Variants in PDE5A observed in about 807,000 individuals in gnomAD.
The protein encoded by PDE5A is cGMP-specific 3',5'-cyclic phosphodiesterase.
PDE5A carries 67 observed loss-of-function variants against 110.2 expected under a neutral mutation model. The ratio of observed to expected loss-of-function variants is 0.61; its 90% CI spans 0.50 to 0.75. The LOEUF (loss-of-function observed/expected upper bound fraction) is 0.75. Among genes scored for constraint, PDE5A ranks in the 30% least tolerant of loss-of-function variants. PDE5A has a pLI of 0.00. For missense variants in PDE5A, 862 were observed against 1,045.1 expected, an observed-to-expected ratio of 0.82 and a Z score of 2.42; for synonymous variants, 328 against 351.2, an observed-to-expected ratio of 0.93 and a Z score of 0.74.
chr4:119,608,705 A>C (rs1233143567), intron 1 of PDE5A, among the ~76,000 whole-genome samples: 1 of 152,212 alleles, frequency 6.6e-6, no homozygotes, highest in Non-Finnish European at 1.5e-5. Context: ...GATATTTCAA[A>C]TAATTTGCCT....
At chr4:119,577,743 A>G (rs1728412757) in intron 3 of PDE5A, among the ~76,000 whole-genome samples, 1 of 152,242 alleles carries the variant, frequency 6.6e-6, no homozygotes, top group Non-Finnish European at 1.5e-5. Context: ...CTGAATGGGC[A>G]AAAACTGAAA....
chr4:119,553,681 A>G lies in PDE5A; in HGVS notation c.1265T>C (p.Leu422Pro). 1.3e-6 allele frequency: 2 copies of G among 1,597,948 alleles called. No homozygotes were observed. Among genetic ancestry groups the G allele is most frequent in the Non-Finnish European group, 1.7e-6 (2 of 1,165,600 alleles). The change falls in exon 8 of 21, where the codon CTT (leucine) becomes CCT (proline). Residue 422 changes from leucine to proline, a missense_variant. By Grantham distance (98) the Leu-to-Pro change is moderately conservative (BLOSUM62 -3). Transcript: ENST00000354960. ...AQYVKNTMEP[L>P]NIPDVSKDKR... ...ATCCTTACTGACATCTGGGATATTA[A>G]GTGGTTCCATAGTATTTTTGACATA...
chr4:119,540,141 TGA>T (rs1166958742), intron 10 of PDE5A, among the ~76,000 whole-genome samples: 5 of 152,092 alleles, frequency 3.3e-5, no homozygotes, highest in African/African-American at 7.2e-5. Context: ...AGTTCATTTT[TGA>T]GAGAGACAAC....
At chr4:119,512,947 T>C (rs907907931) in intron 14 of PDE5A, 1 of 152,144 alleles carries the variant, frequency 6.6e-6, no homozygotes, top group Admixed American at 6.6e-5. Context: ...AGATGGCCTA[T>C]AATGAGAGCC....
chr4:119,600,682 T>C (rs2110541933), intron 2 of PDE5A, among the ~76,000 whole-genome samples: 1 of 152,156 alleles, frequency 6.6e-6, no homozygotes, highest in South Asian at 2.1e-4. Context: ...ATTGACTAAA[T>C]AAAATATTAC....
At chr4:119,611,530 G>A (rs1205044295) in intron 1 of PDE5A, among the ~76,000 whole-genome samples, 3 of 152,174 alleles carry the variant, frequency 2.0e-5, no homozygotes, top group Non-Finnish European at 4.4e-5. Flanking sequence ...ACAACTGACC[G>A]TGACTAATTT....
Position 119,495,971 on chromosome 4 carries a change from G to A in PDE5A, c.*2630C>T, listed in dbSNP as rs987860581. On this transcript the variant is annotated 3_prime_UTR_variant, in exon 21 of 21. Transcript: ENST00000354960. Reference sequence around the variant, plus strand: ...CTGTGACATTCTGCTTGAAGACAAAGGCTTTGCCCAAACATAACTCCTTTT... The same window carrying A: ...CTGTGACATTCTGCTTGAAGACAAAAGCTTTGCCCAAACATAACTCCTTTT... 1.3e-5 allele frequency: 2 copies of A among 152,018 alleles called. No individual in the cohort carries two copies. Among genetic ancestry groups the A allele is most frequent in the Non-Finnish European group, 2.9e-5 (2 of 67,992 alleles). The allele number at this position is 152,018 out of a possible 1,614,324, so 9.4% of individuals were successfully genotyped here.
intron 3 of PDE5A, among the ~76,000 whole-genome samples, chr4:119,571,844 T>C (rs1190992414): frequency 6.6e-6 from 1 of 152,254 alleles, no homozygotes; most frequent in Admixed American, 6.5e-5. Flanking sequence ...ATCATCTTCC[T>C]GCCTTCAGTC....
At chr4:119,566,274 C>T (rs138294259) in intron 4 of PDE5A, among the ~76,000 whole-genome samples, 1 of 152,184 alleles carries the variant, frequency 6.6e-6, no homozygotes, top group East Asian at 1.9e-4. Context: ...TAGCCTATAG[C>T]ATAGAGATAA....
At position 119,595,424 on chromosome 4, in the gene PDE5A, C is replaced by T. The variant is rs73842674; in HGVS notation, c.831+1099G>A. ...CCAGATAACTGGTAAAACATTTCCG[C>T]GTGTGTCTGTGAGGGTGTTCCCAGA... is the stretch of plus-strand genomic sequence containing the variant. On this transcript the variant is annotated intron_variant, in intron 3 of 20. Transcript: ENST00000354960. Among the ~76,000 whole-genome samples the T allele has an allele frequency of 3.4e-3, 515 of 152,220 alleles. 4 individuals carry two copies. The highest frequency in any genetic ancestry group is 0.012 in the African/African-American group (481 of 41,524).
At chr4:119,573,754 G>A (rs1184405378) in intron 3 of PDE5A, among the ~76,000 whole-genome samples, 1 of 152,170 alleles carries the variant, frequency 6.6e-6, no homozygotes, top group East Asian at 1.9e-4. Context: ...GGCTACGAAT[G>A]GGCAGCCAAG....
At chr4:119,603,796 A>G (rs1729428395) in intron 2 of PDE5A, among the ~76,000 whole-genome samples, 1 of 152,206 alleles carries the variant, frequency 6.6e-6, no homozygotes, top group African/African-American at 2.4e-5. Flanking sequence ...GTGACATTAC[A>G]TCCTTTAAAG....
intron 4 of PDE5A, among the ~76,000 whole-genome samples, chr4:119,566,213 T>G (rs1181806450): frequency 6.6e-6 from 1 of 152,064 alleles, no homozygotes; most frequent in African/African-American, 2.4e-5. Context: ...TAAAAAGTAT[T>G]TGCTATGTTC....
chr4:119,534,659 T>C (rs17357499), intron 11 of PDE5A, among the ~76,000 whole-genome samples: 3,734 of 152,282 alleles, frequency 0.025, 59 homozygotes, highest in South Asian at 0.051. Context: ...ACTTCTTTGT[T>C]AAATTATCTG....
intron 1 of PDE5A, among the ~76,000 whole-genome samples, chr4:119,622,399 C>T (rs550928644): frequency 2.0e-4 from 30 of 152,040 alleles, no homozygotes; most frequent in African/African-American, 6.3e-4. Flanking sequence ...CTTTCTCTCC[C>T]GATTTTAGGT....
chr4:119,505,952 A>T lies in PDE5A; in HGVS notation c.2190-20T>A, dbSNP rs199983368. 3 of 1,433,392 alleles carry T rather than the reference A, an allele frequency of 2.1e-6. No individual in the cohort carries two copies. The South Asian group carries it at 3.8e-5, about 18-fold the overall frequency. The allele number at this position is 1,433,392 out of a possible 1,614,324, so 88.8% of individuals were successfully genotyped here. A position where few individuals can be genotyped will look rare whatever the true frequency, so the allele number is the denominator to read the frequency against. On this transcript the variant is annotated intron_variant, in intron 16 of 20. Transcript: ENST00000354960. ...CGCCTCCTACAATGTTTAAAAAAAA[A>T]TTGTTAGTTATAATGAGTACCCAGG...
At position 119,540,700 on chromosome 4, in the gene PDE5A, T is replaced by A. The variant is rs76782927; in HGVS notation, c.1573-1681A>T. 5.4e-3 allele frequency among the ~76,000 whole-genome samples: 815 copies of A among 152,330 alleles called. 11 individuals are homozygous for A. The highest frequency in any genetic ancestry group is 0.019 in the African/African-American group (777 of 41,580). Reference sequence around the variant, plus strand: ...TAAGCATTAGAATACAATTGAAACATCTGATAAATTTAGTTACTTTTATTG... The same window carrying A: ...TAAGCATTAGAATACAATTGAAACAACTGATAAATTTAGTTACTTTTATTG... On this transcript the variant is annotated intron_variant, in intron 10 of 20. Coordinates refer to ENST00000354960, the MANE Select transcript of PDE5A (RefSeq NM_001083.4).
At position 119,627,937 on chromosome 4, in the gene PDE5A, A is replaced by C; in HGVS notation, c.152+583T>G. On this transcript the variant is annotated intron_variant, in intron 1 of 20. Coordinates refer to ENST00000354960, the MANE Select transcript of PDE5A (RefSeq NM_001083.4). The surrounding 1 kb of genome is among the most constrained non-coding windows in gnomAD (Gnocchi z 4.6). ...CAGCCTTCGGCGGAAAAGCGAGTGA[A>C]AGGAGGCGCGCGGGACAAGCAGGAG... 3.8e-6 allele frequency: 2 copies of C among 530,780 alleles called. No individual in the cohort carries two copies. Among genetic ancestry groups the C allele is most frequent in the Non-Finnish European group, 4.8e-6 (2 of 413,940 alleles). The allele number at this position is 530,780 out of a possible 1,614,324, so 32.9% of individuals were successfully genotyped here.
intron 3 of PDE5A, among the ~76,000 whole-genome samples, chr4:119,592,227 G>C (rs1728996478): frequency 6.8e-6 from 1 of 147,908 alleles, no homozygotes; most frequent in African/African-American, 2.5e-5. Context: ...AGGCTGAGGT[G>C]GGCGGATCAC....
Sources: gnomAD v4.1 joint callset for allele counts (sites outside exome capture counted in the v4.1 genomes callset) on GRCh38, gnomAD v4.1.1 for gene constraint, Gnocchi (gnomAD v3.1) non-coding constraint, MANE v1.5 for transcripts, NCBI Gene and HGNC (gene_info 2026-07-23, HGNC 2026-07-21) for gene names.